The following PEX14 variants were observed in gnomAD, a reference collection of about 807,000 sequenced individuals.
PEX14 encodes the protein peroxisomal membrane protein PEX14.
PEX14 carries 15 observed loss-of-function variants against 49.5 expected under a neutral mutation model. That is an observed-to-expected ratio of 0.30 (90% CI 0.20 to 0.47). The LOEUF is 0.47. PEX14 is among the 20% of genes least tolerant of loss of function. The pLI, the probability that PEX14 is intolerant of heterozygous loss-of-function variation, is 1.00. For missense variants in PEX14, 398 were observed against 494.8 expected (o/e 0.80, Z 1.86); for synonymous variants, 210 against 212.7 (o/e 0.99, Z 0.11).
chr1:10,627,454 C>T, intron 8 of PEX14, 91 bp downstream of exon 8: 1 of 914,006 alleles, frequency 1.1e-6, no homozygotes, highest in Non-Finnish European at 1.8e-6. Context: ...ACGCCCACCC[C>T]CACCCCCAAG....
chr1:10,598,073 C>T (rs1282341804), intron 3 of PEX14, among the ~76,000 whole-genome samples: 3 of 152,238 alleles, frequency 2.0e-5, no homozygotes, highest in South Asian at 4.1e-4. Context: ...TGCTGTGGGC[C>T]TCTAATGGAG....
chr1:10,617,921 G>T (rs538791785), intron 4 of PEX14, among the ~76,000 whole-genome samples: 3 of 151,896 alleles, frequency 2.0e-5, no homozygotes, highest in African/African-American at 7.3e-5. Context: ...CCAGCTTATC[G>T]CCAGCTATAG....
At chr1:10,540,610 A>T (rs1436910592) in intron 3 of PEX14, among the ~76,000 whole-genome samples, 2 of 151,790 alleles carry the variant, frequency 1.3e-5, no homozygotes, top group Non-Finnish European at 2.9e-5. Flanking sequence ...GGAAAAAAAA[A>T]ATTGTAACCT....
At chr1:10,617,786 CT>C (rs763699265) in intron 4 of PEX14, among the ~76,000 whole-genome samples, 1 of 152,162 alleles carries the variant, frequency 6.6e-6, no homozygotes, top group Non-Finnish European at 1.5e-5. Context: ...TTTCTCTCCT[CT>C]GGCTCCAAGC....
chr1:10,611,358 C>T (rs1274256339), intron 4 of PEX14, among the ~76,000 whole-genome samples: 2 of 152,190 alleles, frequency 1.3e-5, no homozygotes, highest in Admixed American at 6.5e-5. Context: ...ATAGTGCCAA[C>T]TTCTGTTGCT....
Position 10,494,643 on chromosome 1 carries a change from T to C in PEX14, c.37-631T>C, listed in dbSNP as rs1343494642. ...CTGCCTGCTCGCCTGGAGGTTGGTC[T>C]GCTTATATGCCAGCCTGTCACTAGC... is the stretch of plus-strand genomic sequence containing the variant. On this transcript the variant is annotated intron_variant, in intron 1 of 8. Transcript: ENST00000356607. The surrounding 1 kb of genome is among the most constrained non-coding windows in gnomAD (Gnocchi z 4.3). Among the ~76,000 whole-genome samples the C allele has an allele frequency of 2.6e-5, 4 of 152,348 alleles. No homozygotes were observed. In the East Asian group the frequency reaches 7.7e-4, roughly 29 times the overall value.
At chr1:10,572,866 A>G (rs933927315) in intron 3 of PEX14, among the ~76,000 whole-genome samples, 6 of 152,174 alleles carry the variant, frequency 3.9e-5, no homozygotes, top group Non-Finnish European at 8.8e-5. Context: ...GTGTCATTAG[A>G]CAATTTCATT....
Position 10,536,267 on chromosome 1 carries a change from G to T in PEX14, c.139G>T (p.Ala47Ser). Reference protein sequence around the residue: ...QNSRVRQSPLATRRAFLKKKG... With the variant: ...QNSRVRQSPLSTRRAFLKKKG... ...TTCCCGGGTCCGCCAGAGCCCACTT[G>T]CAACCAGGAGAGCATTCCTAAAGAA... Residue 47 changes from alanine to serine, a missense_variant, in exon 3 of 9, where the codon GCA becomes TCA. Ala to Ser is a moderately conservative substitution (Grantham distance 99). This residue lies in a region of PEX14 where 202 missense variants were observed against 298.5 expected (regional missense o/e 0.68). Coordinates refer to ENST00000356607, the MANE Select transcript of PEX14 (RefSeq NM_004565.3). The T allele has an allele frequency of 1.2e-6, 2 of 1,610,606 alleles. No homozygotes were observed. The highest frequency in any genetic ancestry group is 1.7e-6 in the Non-Finnish European group (2 of 1,176,776).
At chr1:10,533,317 A>G (rs1638702229) in intron 2 of PEX14, among the ~76,000 whole-genome samples, 2 of 152,102 alleles carry the variant, frequency 1.3e-5, no homozygotes, top group Non-Finnish European at 1.5e-5. Flanking sequence ...AGCCCCAAAT[A>G]TACTTTATGT....
chr1:10,477,767 C>G (rs1483817229), intron 1 of PEX14, among the ~76,000 whole-genome samples: 1 of 152,202 alleles, frequency 6.6e-6, no homozygotes, highest in African/African-American at 2.4e-5. Flanking sequence ...CACTAACTTA[C>G]CAGCAATGTC....
intron 3 of PEX14, among the ~76,000 whole-genome samples, chr1:10,598,214 C>T (rs944098582): frequency 6.6e-6 from 1 of 152,192 alleles, no homozygotes; most frequent in Non-Finnish European, 1.5e-5. Context: ...ACAGTGACCT[C>T]CCACCTGCTT....
rs1641648736 is a variant in PEX14, at chr1:10,623,289, TG to T, written c.487+169del. ...AAGCCGCCGTCATTTCGGTTTAATT[TG>T]AAATTGCTTGTTTACTGTCGGCGCG... On this transcript the variant is annotated intron_variant, in intron 6 of 8. Transcript: ENST00000356607. This position sits in a 1 kb window ranked among gnomAD's most constrained non-coding sequence, Gnocchi z 4.4. 3.1e-6 allele frequency: 2 copies of T among 644,002 alleles called. No homozygotes were observed. The highest frequency in any genetic ancestry group is 5.7e-5 in the East Asian group (2 of 34,832). 39.9% of individuals were successfully genotyped at this position (644,002 alleles called of 1,614,324 possible).
chr1:10,618,747 T>C (rs548086167), intron 5 of PEX14, among the ~76,000 whole-genome samples: 1 of 152,228 alleles, frequency 6.6e-6, no homozygotes, highest in African/African-American at 2.4e-5. Flanking sequence ...GTGCGAGCAG[T>C]TTTGAGACAC....
Position 10,474,974 on chromosome 1 carries a change from C to A in PEX14, c.8C>A (p.Ser3Tyr). 2.5e-6 allele frequency: 4 copies of A among 1,609,188 alleles called. No individual in the cohort carries two copies. The highest frequency in any genetic ancestry group is 3.4e-6 in the Non-Finnish European group (4 of 1,178,114). The change falls in exon 1 of 9, where the codon TCC becomes TAC. Residue 3 changes from serine (S) to tyrosine (Y), a missense_variant. Physicochemically the swap from Ser to Tyr is moderately radical, Grantham distance 144 (BLOSUM62 -2). Transcript: ENST00000356607. ...TAGTCAGGCCTCAGAAAGATGGCGT[C>A]CTCGGAGCAGGCAGAGCAGCCGAGC... Reference protein sequence around the residue: MASSEQAEQPSQP... With the variant: MAYSEQAEQPSQP...
intron 4 of PEX14, among the ~76,000 whole-genome samples, chr1:10,603,185 T>C (rs1641035007): frequency 6.6e-6 from 1 of 152,224 alleles, no homozygotes; most frequent in Non-Finnish European, 1.5e-5. Flanking sequence ...CCTGCCCAAA[T>C]AGTAACAGTT....
chr1:10,630,042 G>A lies in PEX14; in HGVS notation c.*55G>A, dbSNP rs1641878282. The A allele has an allele frequency of 6.3e-7, 1 of 1,593,938 alleles. No homozygotes were observed. The highest frequency in any genetic ancestry group is 8.5e-7 in the Non-Finnish European group (1 of 1,176,442). On this transcript the variant is annotated 3_prime_UTR_variant, in exon 9 of 9. Transcript: ENST00000356607. This position sits in a 1 kb window ranked among gnomAD's most constrained non-coding sequence, Gnocchi z 4.1. ...ATGGCATCTAGTGTGCCCGTGCGTGGCCATACCCTGCCTCCCTCTCTGGCC... is the reference window on the plus strand; with the variant it reads ...ATGGCATCTAGTGTGCCCGTGCGTGACCATACCCTGCCTCCCTCTCTGGCC...
chr1:10,627,895 T>G (rs1048023872), intron 8 of PEX14, among the ~76,000 whole-genome samples: 2 of 152,258 alleles, frequency 1.3e-5, no homozygotes, highest in Admixed American at 6.5e-5. Context: ...GGTGACCAAC[T>G]TGTCCTGCTT....
At chr1:10,606,823 C>T (rs1641139269) in intron 4 of PEX14, among the ~76,000 whole-genome samples, 1 of 152,160 alleles carries the variant, frequency 6.6e-6, no homozygotes, top group East Asian at 1.9e-4. Context: ...CTTCCTGTAG[C>T]TCTTTTTTAA....
At chr1:10,584,543 C>T (rs1004749308) in intron 3 of PEX14, among the ~76,000 whole-genome samples, 10 of 152,072 alleles carry the variant, frequency 6.6e-5, no homozygotes, top group African/African-American at 2.2e-4. Context: ...TCAAACAGTT[C>T]AGGGAAAGTA....
Sources: allele counts gnomAD v4.1 joint callset (sites outside exome capture counted in the v4.1 genomes callset), GRCh38; gene constraint gnomAD v4.1.1; regional missense constraint gnomAD v4.1.1; non-coding constraint Gnocchi (gnomAD v3.1); transcripts MANE v1.5; gene names NCBI Gene and HGNC (gene_info 2026-07-23, HGNC 2026-07-21).